The following APLP2 variants were observed in gnomAD, a reference collection of about 807,000 sequenced individuals.
APLP2 encodes amyloid beta precursor like protein 2.
In APLP2, 53 loss-of-function variants were observed where a neutral mutation model predicts 89.9. That is an observed-to-expected ratio of 0.59 (90% CI 0.47 to 0.74). The LOEUF (loss-of-function observed/expected upper bound fraction) is 0.74, where lower values mean the gene tolerates loss of function less well. Among genes scored for constraint, APLP2 ranks in the 30% least tolerant of loss-of-function variants. APLP2 has a pLI of 0.00. For synonymous variants in APLP2, 372 were observed against 348.6 expected (o/e 1.07, Z -0.75); for missense variants, 973 against 975.9 (o/e 1.00, Z 0.04).
At chr11:130,106,379 A>C (rs1466147531) in intron 1 of APLP2, among the ~76,000 whole-genome samples, 1 of 152,076 alleles carries the variant, frequency 6.6e-6, no homozygotes, top group African/African-American at 2.4e-5. Flanking sequence ...TGGAATGTGC[A>C]CCTCCAGTGT....
At chr11:130,071,056 T>A (rs1448113297) in intron 1 of APLP2, among the ~76,000 whole-genome samples, 1 of 152,254 alleles carries the variant, frequency 6.6e-6, no homozygotes, top group Non-Finnish European at 1.5e-5. Context: ...AAGTGGTGCT[T>A]GAACTGCTGG....
At chr11:130,121,573 C>T (rs1321291930) in intron 4 of APLP2, 41 bp from the exon 5 acceptor site, 2 of 1,562,478 alleles carry the variant, frequency 1.3e-6, no homozygotes, top group Non-Finnish European at 1.7e-6. Context: ...ACCACGTTTA[C>T]TCTGGAGTAT....
intron 11 of APLP2, among the ~76,000 whole-genome samples, chr11:130,130,993 G>C (rs1950884636): frequency 6.6e-6 from 1 of 152,264 alleles, no homozygotes; most frequent in African/African-American, 2.4e-5. Context: ...CTCAGTGCCA[G>C]ACTCCACACT....
chr11:130,085,489 C>T (rs1294990916), intron 1 of APLP2, among the ~76,000 whole-genome samples: 1 of 151,820 alleles, frequency 6.6e-6, no homozygotes, highest in Non-Finnish European at 1.5e-5. Flanking sequence ...ACAAAAAAAA[C>T]TTCGAACTAA....
chr11:130,070,834 G>A, intron 1 of APLP2: 1 of 1,183,144 alleles, frequency 8.5e-7, no homozygotes, highest in Non-Finnish European at 1.1e-6. Context: ...CGTCCTCTTC[G>A]GGTGTCAGAA....
At chr11:130,110,751 C>T in intron 3 of APLP2, 90 bp downstream of exon 3, 1 of 1,427,992 alleles carries the variant, frequency 7.0e-7, no homozygotes, top group Non-Finnish European at 9.3e-7. Flanking sequence ...ATATTTACAC[C>T]TGTTAAGAAG....
At chr11:130,137,652 A>G (rs189522843) in intron 13 of APLP2, among the ~76,000 whole-genome samples, 92 of 152,364 alleles carry the variant, frequency 6.0e-4, no homozygotes, top group African/African-American at 2.1e-3. Context: ...CCGTATAAAT[A>G]TGCCTTATTT....
chr11:130,084,253 A>T (rs1192367221), intron 1 of APLP2, among the ~76,000 whole-genome samples: 1 of 152,082 alleles, frequency 6.6e-6, no homozygotes, highest in Non-Finnish European at 1.5e-5. Flanking sequence ...CTCAAAAAAA[A>T]AAAAATGCTT....
chr11:130,075,901 T>C (rs1942041007), intron 1 of APLP2, among the ~76,000 whole-genome samples: 1 of 151,206 alleles, frequency 6.6e-6, no homozygotes, highest in African/African-American at 2.5e-5. Context: ...TAAAAGGAAC[T>C]AATTTCATAC....
chr11:130,140,019 C>T (rs1032529154), intron 13 of APLP2, among the ~76,000 whole-genome samples: 10 of 152,116 alleles, frequency 6.6e-5, no homozygotes, highest in Admixed American at 2.6e-4. Context: ...CTGTGGCAGC[C>T]GGGTGTGGGT....
At position 130,120,642 on chromosome 11, in the gene APLP2, G is replaced by A. The variant is rs530864591; in HGVS notation, c.404-64G>A. On this transcript the variant is annotated intron_variant, in intron 3 of 16. Coordinates refer to ENST00000338167, the MANE Select transcript of APLP2 (RefSeq NM_001142276.2). ...GTGTAGACTATCATCATAAACTTCA[G>A]TGAGGGGCATTTTCACCTTGAAATC... 5.8e-6 allele frequency: 7 copies of A among 1,197,248 alleles called. No homozygotes were observed. In the South Asian group the frequency reaches 6.1e-5, roughly 11 times the overall value. 74.2% of individuals were successfully genotyped at this position (1,197,248 alleles called of 1,614,324 possible). A position where few individuals can be genotyped will look rare whatever the true frequency, so the allele number is the denominator to read the frequency against.
In APLP2 at chr11:130,123,897, C is replaced by G. The variant is rs1016805200; in HGVS notation, c.1090+118C>G. On this transcript the variant is annotated intron_variant, in intron 7 of 16. Transcript: ENST00000338167. The surrounding 1 kb of genome is among the most constrained non-coding windows in gnomAD (Gnocchi z 4.0). The stretch of plus-strand genomic sequence containing the variant: ...CCCTGCCCACTCGGGTGTTTGCTGT[C>G]GGTCGTCTTCCCCTCATCTTTGTGC... The G allele has an allele frequency of 1.8e-6, 2 of 1,130,898 alleles. No homozygotes were observed. The highest frequency in any genetic ancestry group is 2.5e-6 in the Non-Finnish European group (2 of 784,528). 70.1% of individuals were successfully genotyped at this position (1,130,898 alleles called of 1,614,324 possible).
At chr11:130,075,817 T>C (rs1942029221) in intron 1 of APLP2, among the ~76,000 whole-genome samples, 1 of 152,144 alleles carries the variant, frequency 6.6e-6, no homozygotes. Context: ...ATATTTCCCT[T>C]TTGGATGCAG....
At chr11:130,077,570 A>G (rs1040537753) in intron 1 of APLP2, among the ~76,000 whole-genome samples, 29 of 150,572 alleles carry the variant, frequency 1.9e-4, no homozygotes, top group Non-Finnish European at 4.4e-5. Flanking sequence ...TCCAGCCCCC[A>G]GTTTTGTTGA....
intron 7 of APLP2, among the ~76,000 whole-genome samples, chr11:130,124,519 C>T (rs952051690): frequency 5.3e-5 from 8 of 152,258 alleles, no homozygotes; most frequent in African/African-American, 9.6e-5. Flanking sequence ...TCCTTTTTCT[C>T]GTTAAGACCT....
At chr11:130,091,280 ACCTC>A (rs1945085711) in intron 1 of APLP2, among the ~76,000 whole-genome samples, 1 of 98,782 alleles carries the variant, frequency 1.0e-5, no homozygotes, top group African/African-American at 4.8e-5. Context: ...TGACCCCCCC[ACCTC>A]CCTCCCGGAC....
chr11:130,107,147 A>G (rs1333717203), intron 1 of APLP2, among the ~76,000 whole-genome samples: 1 of 152,196 alleles, frequency 6.6e-6, no homozygotes, highest in Non-Finnish European at 1.5e-5. Flanking sequence ...AACACTTAGC[A>G]TGTTGCTTTG....
chr11:130,079,396 G>T (rs1201132649), intron 1 of APLP2, among the ~76,000 whole-genome samples: 2 of 152,128 alleles, frequency 1.3e-5, no homozygotes, highest in Non-Finnish European at 2.9e-5. Context: ...ACTACGCCCG[G>T]CCCATGACAT....
At chr11:130,137,367 T>C in intron 13 of APLP2, 1 of 1,359,110 alleles carries the variant, frequency 7.4e-7, no homozygotes. Flanking sequence ...CTTCATGTTC[T>C]GTTTCATGCC....
Sources: allele counts gnomAD v4.1 joint callset (sites outside exome capture counted in the v4.1 genomes callset), GRCh38; gene constraint gnomAD v4.1.1; non-coding constraint Gnocchi (gnomAD v3.1); transcripts MANE v1.5; gene names NCBI Gene and HGNC (gene_info 2026-07-23, HGNC 2026-07-21).